Variants in TASP1 observed in about 807,000 individuals in gnomAD.
TASP1 encodes the protein taspase 1.
In TASP1, 16 loss-of-function variants were observed where a neutral mutation model predicts 56.6. The ratio of observed to expected loss-of-function variants is 0.28; its 90% CI spans 0.19 to 0.43. The LOEUF is 0.43. Among genes scored for constraint, TASP1 ranks in the 20% least tolerant of loss-of-function variants. TASP1 has a pLI of 1.00. For missense variants in TASP1, 393 were observed against 511.6 expected, an observed-to-expected ratio of 0.77 and a Z score of 2.24; for synonymous variants, 179 against 184.2, an observed-to-expected ratio of 0.97 and a Z score of 0.23.
At chr20:13,559,233 G>T (rs2147070179) in intron 7 of TASP1, 119 bp from the exon 8 acceptor site, 1 of 537,910 alleles carries the variant, frequency 1.9e-6, no homozygotes, top group East Asian at 3.2e-5. Context: ...TTAAATTAAG[G>T]GTTTAAAAAG....
chr20:13,133,485 G>T, the TASP1 span, among the ~76,000 whole-genome samples: 1 of 152,208 alleles, frequency 6.6e-6, no homozygotes, highest in African/African-American at 2.4e-5. Context: ...TGTAATCCCA[G>T]CACTTTGGGA....
the TASP1 span, among the ~76,000 whole-genome samples, chr20:13,249,948 G>A: frequency 1.3e-5 from 2 of 152,254 alleles, no homozygotes; most frequent in African/African-American, 4.8e-5. Context: ...TTAATGTAAT[G>A]TTTCCTTTCC....
the TASP1 span, among the ~76,000 whole-genome samples, chr20:13,290,620 T>C: frequency 6.6e-6 from 1 of 152,030 alleles, no homozygotes; most frequent in Non-Finnish European, 1.5e-5. Flanking sequence ...ATCGGGCCAC[T>C]GCACTCCAGC....
At chr20:13,148,508 G>C in the TASP1 span, among the ~76,000 whole-genome samples, 2 of 152,140 alleles carry the variant, frequency 1.3e-5, no homozygotes, top group East Asian at 3.9e-4. Context: ...CCCACGAAAA[G>C]GTATCTCAGG....
chr20:13,496,763 T>A (rs2043745458), intron 10 of TASP1, among the ~76,000 whole-genome samples: 1 of 152,258 alleles, frequency 6.6e-6, no homozygotes, highest in South Asian at 2.1e-4. Flanking sequence ...CACTTCTAGT[T>A]AGGATGAAGA....
At chr20:13,117,858 A>G in the TASP1 span, 1 of 802,074 alleles carries the variant, frequency 1.2e-6, no homozygotes, top group Non-Finnish European at 1.9e-6. Context: ...GCCTGGCTAC[A>G]GTGGGTTCAC....
At chr20:13,163,908 T>C in the TASP1 span, among the ~76,000 whole-genome samples, 1 of 152,322 alleles carries the variant, frequency 6.6e-6, no homozygotes, top group Non-Finnish European at 1.5e-5. Flanking sequence ...TTTTTTTTAT[T>C]TTATTATTAA....
At chr20:13,436,221 CA>C (rs1369207976) in intron 11 of TASP1, among the ~76,000 whole-genome samples, 2 of 151,978 alleles carry the variant, frequency 1.3e-5, no homozygotes, top group Non-Finnish European at 2.9e-5. Context: ...CCTCTGAAGG[CA>C]GGGGTACAGG....
chr20:13,405,802 C>T (rs773080010), intron 13 of TASP1, among the ~76,000 whole-genome samples: 9 of 151,560 alleles, frequency 5.9e-5, no homozygotes, highest in Admixed American at 1.3e-4. Flanking sequence ...GTGATCTGCC[C>T]GCCTCAGCCT....
At chr20:13,547,418 C>G (rs184535863) in intron 8 of TASP1, among the ~76,000 whole-genome samples, 1 of 152,018 alleles carries the variant, frequency 6.6e-6, no homozygotes, top group East Asian at 1.9e-4. Context: ...GGAATATGAA[C>G]AAAAACTTGG....
intron 10 of TASP1, among the ~76,000 whole-genome samples, chr20:13,504,422 A>T (rs2044056235): frequency 6.6e-6 from 1 of 152,152 alleles, no homozygotes; most frequent in African/African-American, 2.4e-5. Context: ...ACAAACTTAA[A>T]GGAGTTCACC....
chr20:13,238,693 C>T, the TASP1 span, among the ~76,000 whole-genome samples: 1 of 152,160 alleles, frequency 6.6e-6, no homozygotes, highest in East Asian at 1.9e-4. Flanking sequence ...ATGTTTTTGG[C>T]TTCACATGGA....
At chr20:13,228,294 A>G in the TASP1 span, among the ~76,000 whole-genome samples, 1 of 152,088 alleles carries the variant, frequency 6.6e-6, no homozygotes, top group African/African-American at 2.4e-5. Context: ...CTTCAATCTC[A>G]TACTTTCATC....
chr20:13,117,629 G>C, the TASP1 span: 2 of 1,613,968 alleles, frequency 1.2e-6, no homozygotes, highest in South Asian at 1.1e-5. Context: ...GGGGTGTCAC[G>C]GAGTTCTTTG....
At chr20:13,291,337 G>A in the TASP1 span, among the ~76,000 whole-genome samples, 2 of 152,028 alleles carry the variant, frequency 1.3e-5, no homozygotes, top group African/African-American at 2.4e-5. Context: ...TGTTTGATTC[G>A]TTGATTCCCA....
intron 10 of TASP1, among the ~76,000 whole-genome samples, chr20:13,521,225 AGG>A (rs2044739316): frequency 6.6e-6 from 1 of 152,192 alleles, no homozygotes; most frequent in Non-Finnish European, 1.5e-5. Context: ...GCGATTCCTC[AGG>A]GATCTAGAAC....
At chr20:13,559,294 A>G (rs1292392296) in intron 7 of TASP1, among the ~76,000 whole-genome samples, 180 bp from the exon 8 acceptor site, 4 of 152,162 alleles carry the variant, frequency 2.6e-5, no homozygotes, top group Admixed American at 2.6e-4. Context: ...ATAAATTAAG[A>G]TTTTAAAATT....
At chr20:13,273,806 A>C in the TASP1 span, among the ~76,000 whole-genome samples, 1 of 152,202 alleles carries the variant, frequency 6.6e-6, no homozygotes, top group South Asian at 2.1e-4. Flanking sequence ...TGCCCAGTCA[A>C]GTTATTCTAT....
chr20:13,214,542 C>G, the TASP1 span, among the ~76,000 whole-genome samples: 31 of 127,258 alleles, frequency 2.4e-4, no homozygotes, highest in Middle Eastern at 3.6e-3. Context: ...CACACACACA[C>G]ACACACACAC....
Sources: allele counts gnomAD v4.1 joint callset (sites outside exome capture counted in the v4.1 genomes callset), GRCh38; gene constraint gnomAD v4.1.1; transcripts MANE v1.5; gene names NCBI Gene and HGNC (gene_info 2026-07-23, HGNC 2026-07-21).